RNF19A: variants seen among roughly 807,000 people sequenced by gnomAD.
RNF19A encodes E3 ubiquitin-protein ligase RNF19A.
RNF19A carries 32 observed loss-of-function variants against 75.7 expected under a neutral mutation model. That is an observed-to-expected ratio of 0.42 (90% CI 0.32 to 0.57). The LOEUF (loss-of-function observed/expected upper bound fraction) is 0.57. Ranked by LOEUF, RNF19A falls within the 20% of genes least tolerant of loss-of-function variation. The pLI is 0.10. For missense variants in RNF19A, 782 were observed against 1,036.3 expected (o/e 0.75, Z 3.37); for synonymous variants, 335 against 345.2 (o/e 0.97, Z 0.33).
chr8:100,335,655 C>T (rs1822669908), intron 1 of RNF19A, among the ~76,000 whole-genome samples: 1 of 152,234 alleles, frequency 6.6e-6, no homozygotes, highest in African/African-American at 2.4e-5. Flanking sequence ...CTTCATGTTA[C>T]TGTCATAGAC....
At chr8:100,291,898 A>G (rs541241263) in intron 1 of RNF19A, among the ~76,000 whole-genome samples, 1 of 152,096 alleles carries the variant, frequency 6.6e-6, no homozygotes, top group South Asian at 2.1e-4. Flanking sequence ...GTACTTCTAA[A>G]ATAAGCATGC....
chr8:100,291,694 A>T lies in RNF19A; in HGVS notation c.-93-3427T>A, dbSNP rs536301454. Among the ~76,000 whole-genome samples the T allele has an allele frequency of 2.0e-5, 3 of 152,310 alleles. No individual in the cohort carries two copies. The South Asian group carries it at 6.2e-4, about 32-fold the overall frequency. ...TTACTTCCCAAGAGGAAAACCTACT[A>T]CATGGTCAAATAACAGTTTTTGCTT... On this transcript the variant is annotated intron_variant, in intron 1 of 9. Transcript: ENST00000341084.
intron 1 of RNF19A, among the ~76,000 whole-genome samples, chr8:100,316,785 C>A (rs138139483): frequency 6.6e-6 from 1 of 152,252 alleles, no homozygotes; most frequent in African/African-American, 2.4e-5. Flanking sequence ...ACTCCTCAGC[C>A]CTTGGGTGGT....
intron 1 of RNF19A, among the ~76,000 whole-genome samples, chr8:100,318,257 C>T (rs1375985325): frequency 1.3e-5 from 2 of 152,148 alleles, no homozygotes; most frequent in Non-Finnish European, 2.9e-5. Context: ...ACAGTATTTC[C>T]CTTGGCTGTG....
At chr8:100,262,701 G>A (rs1383809926) in intron 7 of RNF19A, among the ~76,000 whole-genome samples, 1 of 152,172 alleles carries the variant, frequency 6.6e-6, no homozygotes, top group African/African-American at 2.4e-5. Flanking sequence ...GACTATGGCT[G>A]CACTATGGAC....
intron 1 of RNF19A, among the ~76,000 whole-genome samples, chr8:100,307,264 A>G (rs1822101110): frequency 6.6e-6 from 1 of 152,214 alleles, no homozygotes; most frequent in Admixed American, 6.5e-5. Flanking sequence ...GAGAAGATAT[A>G]AGTGAGCAAT....
In RNF19A at chr8:100,325,888, T is replaced by C. The variant is rs1339607044; in HGVS notation, c.-243+10220A>G. ...TCTCCTCTTTTTAAAATTTATTTAA[T>C]TAACAAACTGAGCTACTAGAGAAAA... On this transcript the variant is annotated intron_variant, in intron 1 of 3. Coordinates refer to the RNF19A transcript ENST00000519527. The surrounding 1 kb of genome is among the most constrained non-coding windows in gnomAD (Gnocchi z 4.3). Among the ~76,000 whole-genome samples, 1 of 152,226 alleles carries C rather than the reference T, an allele frequency of 6.6e-6. No homozygotes were observed. Among genetic ancestry groups the C allele is most frequent in the African/African-American group, 2.4e-5 (1 of 41,442 alleles).
At chr8:100,288,756 T>C (rs894154565) in intron 1 of RNF19A, among the ~76,000 whole-genome samples, 5 of 151,966 alleles carry the variant, frequency 3.3e-5, no homozygotes, top group Admixed American at 1.3e-4. Flanking sequence ...GAACAAAAAG[T>C]AGTCAAGAAA....
rs1034457267 is a variant in RNF19A, at chr8:100,260,433, A to G, written c.1683-436T>C. Among the ~76,000 whole-genome samples, 1 of 152,066 alleles carries G rather than the reference A, an allele frequency of 6.6e-6. No homozygotes were observed. The highest frequency in any genetic ancestry group is 1.5e-5 in the Non-Finnish European group (1 of 68,006). On this transcript the variant is annotated intron_variant, in intron 8 of 9. Transcript: ENST00000341084. This position sits in a 1 kb window ranked among gnomAD's most constrained non-coding sequence, Gnocchi z 4.1. The stretch of plus-strand genomic sequence containing the variant: ...AATAACACCTGCCTTTTAATACTTT[A>G]TTTATTTATATATATTTTTAGAGAC...
intron 1 of RNF19A, among the ~76,000 whole-genome samples, chr8:100,301,103 A>T (rs1046681195): frequency 8.5e-5 from 13 of 152,254 alleles, no homozygotes; most frequent in African/African-American, 3.1e-4. Flanking sequence ...GGCTATTTAA[A>T]TTAAAATTAA....
chr8:100,322,014 C>T lies in RNF19A; in HGVS notation c.-242-8642G>A, dbSNP rs1822472164. 6.6e-6 allele frequency among the ~76,000 whole-genome samples: 1 copy of T among 151,966 alleles called. No individual in the cohort carries two copies. On this transcript the variant is annotated intron_variant, in intron 1 of 3. Transcript: ENST00000519527. This position sits in a 1 kb window ranked among gnomAD's most constrained non-coding sequence, Gnocchi z 5.1. ...TCTTTTTTTTTTCTTTATCAATACC[C>T]TGACATAATTTAGCTTAATTCTTAA...
chr8:100,310,211 A>C (rs1822250341), upstream of RNF19A: 1 of 984,986 alleles, frequency 1.0e-6, no homozygotes, highest in African/African-American at 1.7e-5. Context: ...TCATGGCGTC[A>C]CGCCCACCGG....
In RNF19A at chr8:100,323,732, T is replaced by C. The variant is rs1291968952; in HGVS notation, c.-242-10360A>G. ...GTGATATGAAAAGATAGGCAAGAGA[T>C]GACATATAATAACTTGAACATATCA... On this transcript the variant is annotated intron_variant, in intron 1 of 3. Transcript: ENST00000519527. This position sits in a 1 kb window ranked among gnomAD's most constrained non-coding sequence, Gnocchi z 4.6. Among the ~76,000 whole-genome samples the C allele has an allele frequency of 6.6e-6, 1 of 152,176 alleles. No individual in the cohort carries two copies. The highest frequency in any genetic ancestry group is 6.5e-5 in the Admixed American group (1 of 15,276).
chr8:100,295,411 C>A (rs1821508539), intron 1 of RNF19A, among the ~76,000 whole-genome samples: 1 of 152,006 alleles, frequency 6.6e-6, no homozygotes, highest in African/African-American at 2.4e-5. Flanking sequence ...ATTTATCTAA[C>A]CAAATTATCT....
chr8:100,276,309 A>G lies in RNF19A; in HGVS notation c.675-1148T>C, dbSNP rs1191751570. On this transcript the variant is annotated intron_variant, in intron 2 of 9. Coordinates refer to ENST00000341084, the MANE Select transcript of RNF19A (RefSeq NM_183419.4). ...CTTAGGTGACTCTTCAGAGAATTAC[A>G]CCGAGTGAAAAAAGTCAATCTCAAA... is the stretch of plus-strand genomic sequence containing the variant. Among the ~76,000 whole-genome samples the G allele has an allele frequency of 3.3e-5, 5 of 150,684 alleles. No homozygotes were observed. In the East Asian group the frequency reaches 9.6e-4, roughly 29 times the overall value.
At chr8:100,308,799 C>G (rs1015726761) in intron 1 of RNF19A, among the ~76,000 whole-genome samples, 4 of 152,200 alleles carry the variant, frequency 2.6e-5, no homozygotes, top group African/African-American at 9.7e-5. Flanking sequence ...GCATTTCTAG[C>G]CAACATCTAG....
chr8:100,258,937 G>C lies in RNF19A; in HGVS notation c.2136C>G (p.Ser712=), dbSNP rs912653680. Residue 712 remains serine, a synonymous_variant, in exon 10 of 10, where the codon TCC becomes TCG. Coordinates refer to ENST00000341084, the MANE Select transcript of RNF19A (RefSeq NM_183419.4). This position sits in a 1 kb window ranked among gnomAD's most constrained non-coding sequence, Gnocchi z 4.3. ...CTACAGAAGGCATACTGTCACTGAG[G>C]GATGGAGCCTCAAATTCACTTGAGT... ...STNSSEFEAP[S]LSDSMPSVAD... is the part of the protein sequence containing the mutation. 1 of 1,614,154 alleles carries C rather than the reference G, an allele frequency of 6.2e-7. No homozygotes were observed. Among genetic ancestry groups the C allele is most frequent in the Non-Finnish European group, 8.5e-7 (1 of 1,180,024 alleles).
At chr8:100,306,740 C>G (rs1822077483) in intron 1 of RNF19A, among the ~76,000 whole-genome samples, 1 of 152,122 alleles carries the variant, frequency 6.6e-6, no homozygotes, top group African/African-American at 2.4e-5. Context: ...AATATTATCC[C>G]TTAGTCTTTA....
At position 100,274,872 on chromosome 8, in the gene RNF19A, C is replaced by G. The variant is rs1820426551; in HGVS notation, c.883+81G>C. On this transcript the variant is annotated intron_variant, in intron 3 of 9. Coordinates refer to ENST00000341084, the MANE Select transcript of RNF19A (RefSeq NM_183419.4). ...ACACTTTCGGCAAGTGAAAGGAAAACAGGAATACTTAACTTTAAAAAGTTA... is the reference window on the plus strand; with the variant it reads ...ACACTTTCGGCAAGTGAAAGGAAAAGAGGAATACTTAACTTTAAAAAGTTA... 14 of 1,108,624 alleles carry G rather than the reference C, an allele frequency of 1.3e-5. 1 individual carries two copies. The South Asian group carries it at 2.0e-4, about 16-fold the overall frequency. 68.7% of individuals were successfully genotyped at this position (1,108,624 alleles called of 1,614,324 possible).
Sources: gnomAD v4.1 joint callset for allele counts (sites outside exome capture counted in the v4.1 genomes callset) on GRCh38, gnomAD v4.1.1 for gene constraint, Gnocchi (gnomAD v3.1) non-coding constraint, MANE v1.5 for transcripts, NCBI Gene and HGNC (gene_info 2026-07-23, HGNC 2026-07-21) for gene names.